The following AKT3 variants were observed in gnomAD, a reference collection of about 807,000 sequenced individuals.
The protein encoded by AKT3 is AKT serine/threonine kinase 3.
A neutral mutation model predicts 65.3 loss-of-function variants in AKT3; 15 were observed. The ratio of observed to expected loss-of-function variants is 0.23; its 90% CI spans 0.15 to 0.35. AKT3 has a LOEUF of 0.35. Ranked by LOEUF, AKT3 falls within the 10% of genes least tolerant of loss-of-function variation. The pLI is 1.00. For synonymous variants in AKT3, 206 were observed against 183.8 expected, an observed-to-expected ratio of 1.12 and a Z score of -0.98; for missense variants, 243 against 576.5, an observed-to-expected ratio of 0.42 and a Z score of 5.92.
chr1:243,643,223 T>C (rs773164159), intron 5 of AKT3, among the ~76,000 whole-genome samples: 1 of 152,172 alleles, frequency 6.6e-6, no homozygotes, highest in African/African-American at 2.4e-5. Context: ...TATGAGTTAC[T>C]ACAGCCAGGA....
intron 3 of AKT3, among the ~76,000 whole-genome samples, chr1:243,693,242 TGATATATATATATA>T (rs1304575089): frequency 0.045 from 2,681 of 59,964 alleles, 411 homozygotes; most frequent in East Asian, 0.19. Context: ...AGCTACAATT[TGATATATATATATA>T]TATATATATA....
chr1:243,633,964 G>T (rs1262794646), intron 6 of AKT3, among the ~76,000 whole-genome samples: 1 of 152,086 alleles, frequency 6.6e-6, no homozygotes, highest in Non-Finnish European at 1.5e-5. Context: ...CTTATTAGTG[G>T]AGGATATGTT....
intron 2 of AKT3, among the ~76,000 whole-genome samples, chr1:243,829,229 A>C (rs1372704389): frequency 6.6e-6 from 1 of 152,026 alleles, no homozygotes; most frequent in African/African-American, 2.4e-5. Context: ...AGAATATGGA[A>C]GAAAGGAATC....
rs186352600 is a variant in AKT3 at position 243,843,891 on chromosome 1, C to A, written c.-112-609G>T. Among the ~76,000 whole-genome samples, 814 of 152,036 alleles carry A rather than the reference C, an allele frequency of 5.4e-3. 3 individuals carry two copies. The highest frequency in any genetic ancestry group is 0.01 in the Middle Eastern group (3 of 292). ...GGTCTCAAACTCCTGACCTCATGAT[C>A]CACCCGCCTCAGCCTCCCAAAGTGC... On this transcript the variant is annotated intron_variant, in intron 1 of 13. Transcript: ENST00000673466.
chr1:243,757,915 C>A (rs1483965996), intron 2 of AKT3, among the ~76,000 whole-genome samples: 2 of 152,058 alleles, frequency 1.3e-5, no homozygotes, highest in Non-Finnish European at 1.5e-5. Context: ...TACACGCCAC[C>A]ACATCCAGCT....
At chr1:243,769,503 G>C (rs986646868) in intron 2 of AKT3, among the ~76,000 whole-genome samples, 5 of 152,130 alleles carry the variant, frequency 3.3e-5, no homozygotes, top group Admixed American at 6.5e-5. Flanking sequence ...TAGGTGAGTT[G>C]ATATCTCACA....
chr1:243,819,903 T>G (rs1693752902), intron 2 of AKT3, among the ~76,000 whole-genome samples: 1 of 152,098 alleles, frequency 6.6e-6, no homozygotes, highest in Admixed American at 6.5e-5. Context: ...GCAGCAGCCC[T>G]ACGGGAGAGG....
intron 2 of AKT3, among the ~76,000 whole-genome samples, chr1:243,828,922 C>T (rs1337539908): frequency 2.0e-5 from 3 of 152,028 alleles, no homozygotes; most frequent in Admixed American, 1.3e-4. Flanking sequence ...TCACTTTTTT[C>T]GAGTTCCAGG....
At chr1:243,638,044 C>CTTAAA (rs1323703091) in intron 5 of AKT3, among the ~76,000 whole-genome samples, 4 of 152,052 alleles carry the variant, frequency 2.6e-5, no homozygotes, top group African/African-American at 7.2e-5. Context: ...TTTTTAAGGA[C>CTTAAA]TCAAGTTTTC....
In AKT3 at chr1:243,822,727, C is replaced by G. The variant is rs191603392; in HGVS notation, c.46+20398G>C. 6.2e-4 allele frequency among the ~76,000 whole-genome samples: 95 copies of G among 152,160 alleles called. 1 individual carries two copies. The East Asian group carries it at 0.016, about 25-fold the overall frequency. ...ACACATACACCCTCCCAAGACTGAA[C>G]TAGGAAGAAGCTGAATCCAGGAATA... On this transcript the variant is annotated intron_variant, in intron 2 of 13. Transcript: ENST00000673466.
intron 4 of AKT3, among the ~76,000 whole-genome samples, chr1:243,660,453 A>C (rs368580197): frequency 7.5e-4 from 114 of 152,270 alleles, no homozygotes; most frequent in African/African-American, 2.4e-3. Context: ...GAACCAAAGA[A>C]AAAAACCACA....
At chr1:243,804,195 A>G (rs1011776691) in intron 2 of AKT3, among the ~76,000 whole-genome samples, 2 of 152,242 alleles carry the variant, frequency 1.3e-5, no homozygotes, top group Non-Finnish European at 2.9e-5. Context: ...AATTTTTAAT[A>G]GTACTGACTA....
chr1:243,835,912 A>G (rs2148460608), intron 2 of AKT3, among the ~76,000 whole-genome samples: 1 of 152,310 alleles, frequency 6.6e-6, no homozygotes, highest in Middle Eastern at 3.4e-3. Flanking sequence ...AAAATAAGAC[A>G]CATAAATAAC....
intron 4 of AKT3, among the ~76,000 whole-genome samples, chr1:243,662,471 C>A (rs1682434285): frequency 6.7e-6 from 1 of 149,008 alleles, no homozygotes; most frequent in Non-Finnish European, 1.5e-5. Flanking sequence ...AAACCAAACA[C>A]CACATATTCT....
chr1:243,758,927 C>T (rs918234046), intron 2 of AKT3, among the ~76,000 whole-genome samples: 2 of 152,132 alleles, frequency 1.3e-5, no homozygotes, highest in African/African-American at 4.8e-5. Flanking sequence ...AAAGGACTTT[C>T]GGCTTTTACT....
chr1:243,606,347 T>C (rs1470304047), intron 8 of AKT3, among the ~76,000 whole-genome samples: 6 of 152,178 alleles, frequency 3.9e-5, no homozygotes, highest in Admixed American at 3.9e-4. Flanking sequence ...TTGACCAAAA[T>C]GCTGACAGTG....
At chr1:243,823,682 A>C (rs879369306) in intron 2 of AKT3, among the ~76,000 whole-genome samples, 1 of 152,204 alleles carries the variant, frequency 6.6e-6, no homozygotes. Context: ...TGCTACAAAG[A>C]GAACAAAATA....
At chr1:243,835,609 G>C (rs760866506) in intron 2 of AKT3, among the ~76,000 whole-genome samples, 5 of 152,036 alleles carry the variant, frequency 3.3e-5, no homozygotes, top group Non-Finnish European at 5.9e-5. Context: ...TCCCCACCAA[G>C]AAATTTTAAT....
intron 2 of AKT3, among the ~76,000 whole-genome samples, chr1:243,710,536 T>G (rs1309824397): frequency 6.6e-6 from 1 of 152,200 alleles, no homozygotes; most frequent in African/African-American, 2.4e-5. Context: ...TATGAAAGAC[T>G]CTTAAATACT....
Sources: allele counts gnomAD v4.1 joint callset (sites outside exome capture counted in the v4.1 genomes callset), GRCh38; gene constraint gnomAD v4.1.1; transcripts MANE v1.5; gene names NCBI Gene and HGNC (gene_info 2026-07-23, HGNC 2026-07-21).